Variants in MEFV observed in about 807,000 individuals in gnomAD.
The protein encoded by MEFV is pyrin.
A neutral mutation model predicts 62.5 loss-of-function variants in MEFV; 60 were observed. The observed-to-expected ratio is 0.96, with a 90% CI of 0.78 to 1.19. The LOEUF is 1.19. Ranked by LOEUF, MEFV falls within the 50% of genes most tolerant of loss-of-function variation. MEFV has a pLI of 0.00. For missense variants in MEFV, 1,169 were observed against 1,004.5 expected, an observed-to-expected ratio of 1.16 and a Z score of -2.21; for synonymous variants, 500 against 415.2, an observed-to-expected ratio of 1.20 and a Z score of -2.48.
intron 2 of MEFV, among the ~76,000 whole-genome samples, chr16:3,251,588 T>C (rs1431341190): frequency 6.6e-6 from 1 of 152,244 alleles, no homozygotes; most frequent in Non-Finnish European, 1.5e-5. Flanking sequence ...CCAAACATAA[T>C]TTTAATGACT....
Position 3,242,856 on chromosome 16 carries a change from A to G in MEFV, c.*285T>C. On this transcript the variant is annotated 3_prime_UTR_variant, in exon 10 of 10. Coordinates refer to ENST00000219596, the MANE Select transcript of MEFV (RefSeq NM_000243.3). ...ATGAGGGCCAAATCTTCTGTTCAGG[A>G]GCACCTGAGAGTGCCACCCACCAGG... 2.1e-6 allele frequency: 1 copy of G among 475,172 alleles called. No individual in the cohort carries two copies. Among genetic ancestry groups the G allele is most frequent in the Non-Finnish European group, 3.9e-6 (1 of 257,834 alleles). 29.4% of individuals were successfully genotyped at this position (475,172 alleles called of 1,614,324 possible).
In MEFV at chr16:3,248,971, T is replaced by G; in HGVS notation, c.1294A>C (p.Lys432Gln). ...KIQKQLEHLKKLRKSGEEQRS... is the reference protein window; with the variant it reads ...KIQKQLEHLKQLRKSGEEQRS... ...TGCTCCTCCCCTGATTTTCTCAGCT[T>G]CTTCAGATGCTCCAGCTGCTTCTGA... The change falls in exon 4 of 10, where the codon AAG (lysine) becomes CAG (glutamine). Residue 432 changes from lysine (K) to glutamine (Q), a missense_variant. Coordinates refer to ENST00000219596, the MANE Select transcript of MEFV (RefSeq NM_000243.3). The G allele has an allele frequency of 6.2e-7, 1 of 1,614,238 alleles. No homozygotes were observed. Among genetic ancestry groups the G allele is most frequent in the Non-Finnish European group, 8.5e-7 (1 of 1,180,026 alleles).
rs373415546 is a variant in MEFV at position 3,247,010 on chromosome 16, A to G, written c.1587+6T>C. ...ACCCAAGAAAGCCGGGCCCAGGCAC[A>G]CCCACCTGCAGAAGTTCCCATTCTG... is the stretch of plus-strand genomic sequence containing the variant. On this transcript the variant is annotated splice_donor_region_variant and intron_variant, in intron 5 of 9. Coordinates refer to ENST00000219596, the MANE Select transcript of MEFV (RefSeq NM_000243.3). 6.8e-6 allele frequency: 11 copies of G among 1,613,994 alleles called. No individual in the cohort carries two copies. Among genetic ancestry groups the G allele is most frequent in the Non-Finnish European group, 9.3e-6 (11 of 1,179,872 alleles).
Position 3,247,178 on chromosome 16 carries a change from C to G in MEFV, c.1425G>C (p.Gln475His). Residue 475 changes from glutamine to histidine, a missense_variant, in exon 5 of 10, where the codon CAG (glutamine) becomes CAC (histidine). Coordinates refer to ENST00000219596, the MANE Select transcript of MEFV (RefSeq NM_000243.3). ...GTGAGGCCACAAAGAAATGCTCTTG[C>G]TGCTCCAGGAAGTAGTACACCTGCT... ...KLEQVYYFLE[Q>H]QEHFFVASLE... 6.2e-7 allele frequency: 1 copy of G among 1,614,190 alleles called. No individual in the cohort carries two copies. The highest frequency in any genetic ancestry group is 8.5e-7 in the Non-Finnish European group (1 of 1,180,040).
intron 5 of MEFV, 30 bp from the exon 6 acceptor site, chr16:3,246,577 T>C: frequency 6.2e-7 from 1 of 1,611,020 alleles, no homozygotes; most frequent in Non-Finnish European, 8.5e-7. Context: ...AACTGTCGGT[T>C]ACCAGGCTCC....
At chr16:3,245,319 G>C in intron 6 of MEFV, among the ~76,000 whole-genome samples, 1 of 148,968 alleles carries the variant, frequency 6.7e-6, no homozygotes, top group East Asian at 1.9e-4. Context: ...AAGGAAGAAA[G>C]GAAGGAAGGG....
In MEFV at chr16:3,243,369, C is replaced by T. The variant is rs2234939; in HGVS notation, c.2118G>A (p.Pro706=). 2.9e-3 allele frequency: 4,734 copies of T among 1,614,066 alleles called. 34 individuals are homozygous for T. Among genetic ancestry groups the T allele is most frequent in the Middle Eastern group, 0.027 (165 of 6,062 alleles). The stretch of plus-strand genomic sequence containing the variant: ...GAGGCTCCTTTATTAGCAGGCGGGT[C>T]GGGGGAACGCTGGACGCCTGGTACT... ...ENEYQASSVP[P]TRLLIKEPPK... is the part of the protein sequence containing the mutation. Residue 706 remains proline, a synonymous_variant, in exon 10 of 10, where the codon CCG becomes CCA. Coordinates refer to ENST00000219596, the MANE Select transcript of MEFV (RefSeq NM_000243.3).
rs1567234958 is a variant in MEFV at position 3,249,797 on chromosome 16, G to C, written c.911-17C>G. The C allele has an allele frequency of 1.2e-6, 2 of 1,608,040 alleles. No individual in the cohort carries two copies. The highest frequency in any genetic ancestry group is 8.5e-7 in the Non-Finnish European group (1 of 1,175,938). ...GTGGCCTTCCTGGGGACATGCAGTG[G>C]AAAAACCCCCTGAATGGCAAACCCA... On this transcript the variant is annotated splice_polypyrimidine_tract_variant and intron_variant, in intron 2 of 9. Coordinates refer to ENST00000219596, the MANE Select transcript of MEFV (RefSeq NM_000243.3).
At chr16:3,246,475 A>T (rs1255435530) in intron 6 of MEFV, 50 bp downstream of exon 6, 1 of 1,611,394 alleles carries the variant, frequency 6.2e-7, no homozygotes, top group African/African-American at 1.3e-5. Context: ...TGTCTCCCCC[A>T]TATGCTTTCT....
At chr16:3,247,561 T>A (rs1194350262) in intron 4 of MEFV, 1 of 382,760 alleles carries the variant, frequency 2.6e-6, no homozygotes, top group South Asian at 2.8e-5. Flanking sequence ...TAAGAGTTCT[T>A]GCAGATGTAA....
chr16:3,242,440 C>T lies in MEFV; in HGVS notation c.*701G>A, dbSNP rs368896227. On this transcript the variant is annotated 3_prime_UTR_variant, in exon 10 of 10. Coordinates refer to ENST00000219596, the MANE Select transcript of MEFV (RefSeq NM_000243.3). ...ATCCCAGCACTTTGGGAGGCTGAGG[C>T]GGGTGGATCACCTGAGGTCAGGAGT... 711 of 150,846 alleles carry T rather than the reference C, an allele frequency of 4.7e-3. No homozygotes were observed. The highest frequency in any genetic ancestry group is 0.014 in the African/African-American group (570 of 39,940). 9.3% of individuals were successfully genotyped at this position (150,846 alleles called of 1,614,324 possible). A position where few individuals can be genotyped will look rare whatever the true frequency, so the allele number is the denominator to read the frequency against.
At position 3,249,488 on chromosome 16, in the gene MEFV, A is replaced by G. The variant is rs2141671682; in HGVS notation, c.1203T>C (p.Ser401=). ...DEPICLICSL[S]QEHQGHRVRP... ...GCACCCGGTGGCCTTGGTGCTCCTG[A>G]CTCAGACTGCAGATGAGGCAGATGG... Residue 401 remains serine (S), a synonymous_variant, in exon 3 of 10, where the codon AGT becomes AGC. Transcript: ENST00000219596. 1.2e-6 allele frequency: 2 copies of G among 1,614,140 alleles called. No individual in the cohort carries two copies. The highest frequency in any genetic ancestry group is 1.1e-5 in the South Asian group (1 of 91,086).
In MEFV at chr16:3,249,710, A is replaced by C; in HGVS notation, c.981T>G (p.Cys327Trp). The change falls in exon 3 of 10, where the codon TGT (cysteine) becomes TGG (tryptophan). Residue 327 changes from cysteine to tryptophan, a missense_variant. Coordinates refer to ENST00000219596, the MANE Select transcript of MEFV (RefSeq NM_000243.3). ...AQEGDPVDGTCVRDSCSFPEA... is the reference protein window; with the variant it reads ...AQEGDPVDGTWVRDSCSFPEA... ...CGGGGAAGCTGCAGGAATCACGCAC[A>C]CAGGTACCGTCAACTGGGTCTCCTT... 1 of 1,613,966 alleles carries C rather than the reference A, an allele frequency of 6.2e-7. No individual in the cohort carries two copies. The highest frequency in any genetic ancestry group is 1.1e-5 in the South Asian group (1 of 91,060).
intron 3 of MEFV, 146 bp from the exon 4 acceptor site, chr16:3,249,150 G>A (rs183863330): frequency 7.9e-5 from 68 of 857,608 alleles, no homozygotes; most frequent in Admixed American, 2.0e-4. Flanking sequence ...CAGGAAAGAG[G>A]AGGGAGGAAT....
chr16:3,256,546 C>T lies in MEFV; in HGVS notation c.42G>A (p.Glu14=), dbSNP rs113314808. Residue 14 remains glutamate (E), a synonymous_variant, in exon 1 of 10, where the codon GAG becomes GAA. Transcript: ENST00000219596. ...TCTCGAAGTCATAGGGCACCAGCTC[C>T]TCCAGGGTGGACAGCAGATGGTCAC... ...TPSDHLLSTL[E]ELVPYDFEKF... 1,026 of 1,614,218 alleles carry T rather than the reference C, an allele frequency of 6.4e-4. 5 individuals carry two copies. In the African/African-American group the frequency reaches 0.011, roughly 17 times the overall value.
chr16:3,250,358 C>T (rs1331456258), intron 2 of MEFV, among the ~76,000 whole-genome samples: 1 of 152,198 alleles, frequency 6.6e-6, no homozygotes, highest in Admixed American at 6.5e-5. Flanking sequence ...CCTATAATCC[C>T]AGTGCTTTGG....
At position 3,248,949 on chromosome 16, in the gene MEFV, T is replaced by C. The variant is rs1958988170; in HGVS notation, c.1316A>G (p.Glu439Gly). 1.7e-5 allele frequency: 28 copies of C among 1,614,104 alleles called. No homozygotes were observed. The highest frequency in any genetic ancestry group is 2.4e-5 in the Non-Finnish European group (28 of 1,180,040). The stretch of plus-strand genomic sequence containing the variant: ...CTTCTCCTCCCCATAGGATCGCTGC[T>C]CCTCCCCTGATTTTCTCAGCTTCTT... ...HLKKLRKSGE[E>G]QRSYGEEKAV... Residue 439 changes from glutamate (E) to glycine (G), a missense_variant, in exon 4 of 10, where the codon GAG becomes GGG. Glu to Gly is a moderately conservative substitution (Grantham distance 98). Coordinates refer to ENST00000219596, the MANE Select transcript of MEFV (RefSeq NM_000243.3).
At chr16:3,248,788 CCT>C (rs1244984817) in intron 4 of MEFV, 119 bp downstream of exon 4, 25 of 1,593,974 alleles carry the variant, frequency 1.6e-5, no homozygotes, top group Middle Eastern at 1.8e-4. Flanking sequence ...CCCTCTGTCC[CCT>C]GAGAGGAGGT....
In MEFV at chr16:3,242,195, T is replaced by A. The variant is rs1344054758; in HGVS notation, c.*946A>T. The A allele has an allele frequency of 3.9e-6, 1 of 253,284 alleles. No homozygotes were observed. Among genetic ancestry groups the A allele is most frequent in the African/African-American group, 2.5e-5 (1 of 39,864 alleles). 15.7% of individuals were successfully genotyped at this position (253,284 alleles called of 1,614,324 possible). A position where few individuals can be genotyped will look rare whatever the true frequency, so the allele number is the denominator to read the frequency against. On this transcript the variant is annotated 3_prime_UTR_variant, in exon 10 of 10. Transcript: ENST00000219596. ...CTGGCCAACATGATGAAACCTCATG[T>A]CTACTAAAAATGCAAAAAATTAGCC...
Sources: gnomAD v4.1 joint callset for allele counts (sites outside exome capture counted in the v4.1 genomes callset) on GRCh38, gnomAD v4.1.1 for gene constraint, MANE v1.5 for transcripts, NCBI Gene and HGNC (gene_info 2026-07-23, HGNC 2026-07-21) for gene names.